MGST1: variants seen among roughly 807,000 people sequenced by gnomAD.
MGST1 encodes microsomal glutathione S-transferase 1, also known as glutathione S-transferase 12.
In MGST1, 5 loss-of-function variants were observed where a neutral mutation model predicts 8.9. That is an observed-to-expected ratio of 0.56 (90% CI 0.29 to 1.19). The LOEUF is 1.19. Ranked by LOEUF, MGST1 falls within the 50% of genes most tolerant of loss-of-function variation. MGST1 has a pLI of 0.08. For synonymous variants in MGST1, 54 were observed against 67.8 expected, an observed-to-expected ratio of 0.80 and a Z score of 1.00; for missense variants, 182 against 187.4, an observed-to-expected ratio of 0.97 and a Z score of 0.17.
rs757297928 is a variant in MGST1, at chr12:16,560,368, A to G, written n.483-29160A>G. On this transcript the variant is annotated intron_variant and non_coding_transcript_variant, in intron 4 of 4. Coordinates refer to the MGST1 transcript ENST00000538857. This position sits in a 1 kb window ranked among gnomAD's most constrained non-coding sequence, Gnocchi z 5.0. ...CACCTATTAAATAAATAGCCAGCAC[A>G]GAGAGGTTAACCATTTCTTAGAGAC... The G allele has an allele frequency of 6.3e-7, 1 of 1,590,008 alleles. No homozygotes were observed. The highest frequency in any genetic ancestry group is 2.2e-5 in the East Asian group (1 of 44,502).
intron 1 of MGST1, among the ~76,000 whole-genome samples, chr12:16,409,053 A>G (rs917307972): frequency 2.0e-5 from 3 of 152,098 alleles, no homozygotes; most frequent in Admixed American, 6.6e-5. Flanking sequence ...TTAAACCATT[A>G]TATGTTAAAT....
At chr12:16,443,342 A>G (rs913683572), downstream of MGST1, among the ~76,000 whole-genome samples, 1 of 151,832 alleles carries the variant, frequency 6.6e-6, no homozygotes, top group Non-Finnish European at 1.5e-5. Context: ...TTTACATGTA[A>G]TGTAATTACG....
chr12:16,471,399 A>G (rs1229349601), intron 4 of MGST1, among the ~76,000 whole-genome samples: 1 of 152,186 alleles, frequency 6.6e-6, no homozygotes, highest in African/African-American at 2.4e-5. Context: ...ACCTGTTTAT[A>G]TTATTAATAA....
At chr12:16,376,150 G>T in exon 4 of MGST1, 1 of 1,268,394 alleles carries the variant, frequency 7.9e-7, no homozygotes. Flanking sequence ...CATTTATCTT[G>T]CCTCTTCTAT....
At chr12:16,355,074 C>T (rs573978372) in intron 2 of MGST1, among the ~76,000 whole-genome samples, 1 of 152,114 alleles carries the variant, frequency 6.6e-6, no homozygotes, top group South Asian at 2.1e-4. Flanking sequence ...CGGGGGTAGT[C>T]CCTGTGCTCA....
At chr12:16,395,790 T>TACACACACACACACACAC (rs1223679635) in intron 1 of MGST1, among the ~76,000 whole-genome samples, 8 of 123,618 alleles carry the variant, frequency 6.5e-5, no homozygotes, top group Non-Finnish European at 9.8e-5. Flanking sequence ...CATATATATA[T>TACACACACACACACACAC]ATATATATAT....
At chr12:16,514,237 G>A (rs11830128) in intron 4 of MGST1, 40,092 of 287,984 alleles carry the variant, frequency 0.14, 4,002 homozygotes, top group African/African-American at 0.32. Context: ...ACACAGTGAG[G>A]GTGTGGCAGG....
At chr12:16,387,362 T>C (rs1477099545) in intron 1 of MGST1, among the ~76,000 whole-genome samples, 2 of 152,006 alleles carry the variant, frequency 1.3e-5, no homozygotes, top group African/African-American at 4.8e-5. Context: ...ACTCCCCTCT[T>C]TATGTTGATG....
chr12:16,546,954 A>G lies in MGST1; in HGVS notation n.483-42574A>G, dbSNP rs1164265907. 6.6e-6 allele frequency among the ~76,000 whole-genome samples: 1 copy of G among 152,172 alleles called. No homozygotes were observed. Among genetic ancestry groups the G allele is most frequent in the Non-Finnish European group, 1.5e-5 (1 of 68,022 alleles). ...ACTGAAATTAAATCGTGTGTATACT[A>G]AAGCGTTGTAAAATTGACTCAAGTG... On this transcript the variant is annotated intron_variant and non_coding_transcript_variant, in intron 4 of 4. Transcript: ENST00000538857. This position sits in a 1 kb window ranked among gnomAD's most constrained non-coding sequence, Gnocchi z 4.7.
At chr12:16,447,662 C>T (rs1033402165) in intron 4 of MGST1, among the ~76,000 whole-genome samples, 1 of 151,906 alleles carries the variant, frequency 6.6e-6, no homozygotes, top group African/African-American at 2.4e-5. Context: ...ACATTCTATA[C>T]ACTTTCCCAG....
chr12:16,545,434 T>C (rs1941817886), intron 4 of MGST1, among the ~76,000 whole-genome samples: 3 of 152,078 alleles, frequency 2.0e-5, no homozygotes, highest in Admixed American at 6.6e-5. Context: ...ATATAGTTTT[T>C]CTAGGGCCTT....
chr12:16,580,393 G>A (rs1943122439), intron 4 of MGST1, among the ~76,000 whole-genome samples: 1 of 152,168 alleles, frequency 6.6e-6, no homozygotes, highest in Non-Finnish European at 1.5e-5. Context: ...AATTTTAGAG[G>A]ACCACTTCTA....
At chr12:16,514,435 G>T in intron 4 of MGST1, 1 of 278,150 alleles carries the variant, frequency 3.6e-6, no homozygotes, top group Non-Finnish European at 7.3e-6. Flanking sequence ...CGCATCATTA[G>T]CATGCAGACT....
intron 1 of MGST1, chr12:16,399,414 T>A: frequency 9.2e-6 from 14 of 1,515,750 alleles, no homozygotes; most frequent in Admixed American, 3.3e-5. Flanking sequence ...TTCTTCCTTA[T>A]AACAACTTTC....
chr12:16,418,733 C>T (rs1403834765), intron 1 of MGST1, among the ~76,000 whole-genome samples: 1 of 152,056 alleles, frequency 6.6e-6, no homozygotes, highest in African/African-American at 2.4e-5. Context: ...CCTTGGTTGT[C>T]TCAAGAGGGA....
chr12:16,434,546 T>A (rs1940967075), intron 1 of MGST1, among the ~76,000 whole-genome samples: 1 of 152,050 alleles, frequency 6.6e-6, no homozygotes, highest in Non-Finnish European at 1.5e-5. Context: ...TAGGAAATTA[T>A]ACTATGACTT....
At chr12:16,568,830 C>T (rs1035530425) in intron 4 of MGST1, among the ~76,000 whole-genome samples, 6 of 152,124 alleles carry the variant, frequency 3.9e-5, no homozygotes, top group African/African-American at 1.4e-4. Flanking sequence ...GGATATATGA[C>T]AGTTATAACT....
At chr12:16,419,318 C>T (rs1234249798) in intron 1 of MGST1, among the ~76,000 whole-genome samples, 4 of 152,268 alleles carry the variant, frequency 2.6e-5, no homozygotes, top group South Asian at 2.1e-4. Flanking sequence ...CACACTTTGT[C>T]TGGCATATTC....
chr12:16,561,658 T>A (rs1045872516), intron 4 of MGST1, among the ~76,000 whole-genome samples: 1 of 152,258 alleles, frequency 6.6e-6, no homozygotes, highest in African/African-American at 2.4e-5. Flanking sequence ...TTACTTTCTG[T>A]AGACTCCAAA....
Sources: allele counts gnomAD v4.1 joint callset (sites outside exome capture counted in the v4.1 genomes callset), GRCh38; gene constraint gnomAD v4.1.1; non-coding constraint Gnocchi (gnomAD v3.1); transcripts MANE v1.5; gene names NCBI Gene and HGNC (gene_info 2026-07-23, HGNC 2026-07-21).